The following CTNNA3 variants were observed in gnomAD, a reference collection of about 807,000 sequenced individuals.
CTNNA3 encodes the protein catenin alpha-3.
Under a neutral mutation model 95.7 loss-of-function variants are expected in CTNNA3, and 76 were observed. That is an observed-to-expected ratio of 0.79 (90% CI 0.66 to 0.96). CTNNA3 has a LOEUF of 0.96. CTNNA3 is among the 40% of genes least tolerant of loss of function. The probability of loss-of-function intolerance (pLI) is 0.00; values close to 1 mark genes in which losing one functional copy is unlikely to be tolerated. For missense variants in CTNNA3, 1,191 were observed against 1,089.8 expected, an observed-to-expected ratio of 1.09 and a Z score of -1.31; for synonymous variants, 431 against 374.4, an observed-to-expected ratio of 1.15 and a Z score of -1.74.
At chr10:66,335,741 C>G (rs192427475) in intron 12 of CTNNA3, among the ~76,000 whole-genome samples, 4 of 152,138 alleles carry the variant, frequency 2.6e-5, no homozygotes, top group Admixed American at 2.6e-4. Context: ...GGGAGAACCA[C>G]TACTCTCTTT....
chr10:66,682,950 T>G (rs1354144166), intron 9 of CTNNA3, among the ~76,000 whole-genome samples: 1 of 152,176 alleles, frequency 6.6e-6, no homozygotes, highest in African/African-American at 2.4e-5. Context: ...CCTCCTCATT[T>G]CACAGGTTGT....
chr10:67,644,128 G>A (rs577530643), intron 2 of CTNNA3, among the ~76,000 whole-genome samples: 4 of 152,286 alleles, frequency 2.6e-5, no homozygotes, highest in African/African-American at 9.6e-5. Flanking sequence ...CACAATGGTT[G>A]AACTAATTTA....
intron 7 of CTNNA3, among the ~76,000 whole-genome samples, chr10:66,817,644 G>C (rs1336394225): frequency 6.6e-6 from 1 of 151,950 alleles, no homozygotes; most frequent in Non-Finnish European, 1.5e-5. Flanking sequence ...CAAGTGAAGA[G>C]ACTGAATTAA....
intron 5 of CTNNA3, among the ~76,000 whole-genome samples, chr10:67,469,900 A>G (rs1374421708): frequency 6.6e-6 from 1 of 152,188 alleles, no homozygotes; most frequent in Non-Finnish European, 1.5e-5. Context: ...CATGTAAAAT[A>G]GGGCATCCAT....
At chr10:66,133,591 C>T (rs974615640) in intron 13 of CTNNA3, among the ~76,000 whole-genome samples, 9 of 150,690 alleles carry the variant, frequency 6.0e-5, no homozygotes, top group African/African-American at 2.2e-4. Context: ...TAAGAATATC[C>T]TGGAAAAAAA....
intron 11 of CTNNA3, among the ~76,000 whole-genome samples, chr10:66,453,184 T>C (rs1319212609): frequency 1.3e-5 from 2 of 151,126 alleles, no homozygotes; most frequent in Non-Finnish European, 1.5e-5. Flanking sequence ...GCCACTGTAC[T>C]GCAGCCTGGG....
chr10:66,295,709 C>A (rs981578527), intron 12 of CTNNA3, among the ~76,000 whole-genome samples: 6 of 152,262 alleles, frequency 3.9e-5, no homozygotes, highest in Non-Finnish European at 7.4e-5. Context: ...CTGTCAACTA[C>A]AAAATAGGCT....
rs1589735470 is a variant in CTNNA3 at position 67,097,842 on chromosome 10, C to G, written c.1047+82475G>C. 6.4e-6 allele frequency: 10 copies of G among 1,559,206 alleles called. No individual in the cohort carries two copies. In the East Asian group the frequency reaches 2.2e-4, roughly 35 times the overall value. ...GGGTTGCTACCAAACTTTGTAACCT[C>G]AAGGACAAAATGAGGAAGATGTGTT... On this transcript the variant is annotated intron_variant, in intron 7 of 17. Transcript: ENST00000433211.
At chr10:67,553,827 G>A (rs1367423220) in intron 3 of CTNNA3, among the ~76,000 whole-genome samples, 1 of 151,694 alleles carries the variant, frequency 6.6e-6, no homozygotes, top group Non-Finnish European at 1.5e-5. Context: ...TGTTACGTAT[G>A]TATACATGTG....
At chr10:65,981,080 A>C (rs1009391169) in intron 16 of CTNNA3, among the ~76,000 whole-genome samples, 1 of 152,044 alleles carries the variant, frequency 6.6e-6, no homozygotes. Context: ...ATATGATCAT[A>C]TATCCAGAAA....
intron 5 of CTNNA3, among the ~76,000 whole-genome samples, chr10:67,327,093 T>C (rs1841569354): frequency 6.6e-6 from 1 of 152,204 alleles, no homozygotes; most frequent in Admixed American, 6.5e-5. Flanking sequence ...GATTCTTTTC[T>C]AGGCTGGCTA....
At chr10:67,699,620 A>G (rs760202724), upstream of CTNNA3, among the ~76,000 whole-genome samples, 5 of 152,378 alleles carry the variant, frequency 3.3e-5, no homozygotes, top group East Asian at 1.9e-4. Context: ...ACTAAGAAGC[A>G]GTTAAGAAAA....
intron 9 of CTNNA3, among the ~76,000 whole-genome samples, chr10:66,692,104 C>T (rs1200487809): frequency 6.6e-6 from 1 of 152,070 alleles, no homozygotes; most frequent in African/African-American, 2.4e-5. Context: ...TGGAACAAAG[C>T]TGGACAGAGA....
chr10:66,073,322 G>A (rs2080479915), intron 14 of CTNNA3, among the ~76,000 whole-genome samples: 1 of 152,148 alleles, frequency 6.6e-6, no homozygotes, highest in Non-Finnish European at 1.5e-5. Context: ...GTGTTAATTA[G>A]CCAATATAGT....
intron 7 of CTNNA3, among the ~76,000 whole-genome samples, chr10:66,923,376 T>C (rs1264031727): frequency 6.6e-6 from 1 of 152,204 alleles, no homozygotes; most frequent in Non-Finnish European, 1.5e-5. Flanking sequence ...TCCAGCCTCC[T>C]GGAGTGGCTC....
chr10:66,680,737 C>T (rs2132500465), intron 9 of CTNNA3, among the ~76,000 whole-genome samples: 1 of 152,174 alleles, frequency 6.6e-6, no homozygotes, highest in Non-Finnish European at 1.5e-5. Context: ...ATGATTCAGA[C>T]AAGATGGGAG....
At chr10:67,554,151 G>T (rs1246052793) in intron 3 of CTNNA3, among the ~76,000 whole-genome samples, 1 of 152,134 alleles carries the variant, frequency 6.6e-6, no homozygotes, top group Non-Finnish European at 1.5e-5. Flanking sequence ...TCTTAATCCA[G>T]TCTATCATTG....
intron 6 of CTNNA3, among the ~76,000 whole-genome samples, chr10:67,188,686 T>G (rs4746674): frequency 6.6e-6 from 1 of 152,156 alleles, no homozygotes; most frequent in Non-Finnish European, 1.5e-5. Context: ...AAGAGATATA[T>G]GTACTCTCAT....
intron 11 of CTNNA3, among the ~76,000 whole-genome samples, chr10:66,455,379 C>T (rs1203401736): frequency 2.6e-5 from 4 of 152,150 alleles, no homozygotes; most frequent in South Asian, 2.1e-4. Context: ...ACAAAAGACT[C>T]GTCAACCCAA....
Sources: allele counts gnomAD v4.1 joint callset (sites outside exome capture counted in the v4.1 genomes callset), GRCh38; gene constraint gnomAD v4.1.1; transcripts MANE v1.5; gene names NCBI Gene and HGNC (gene_info 2026-07-23, HGNC 2026-07-21).